The following SNAPC1 variants were observed in gnomAD, a reference collection of about 807,000 sequenced individuals.
The protein encoded by SNAPC1 is snRNA-activating protein complex subunit 1.
In SNAPC1, 42 loss-of-function variants were observed where a neutral mutation model predicts 50.1. The ratio of observed to expected loss-of-function variants is 0.84; its 90% CI spans 0.65 to 1.08. The LOEUF (loss-of-function observed/expected upper bound fraction) is 1.08, where lower values mean the gene tolerates loss of function less well. Ranked by LOEUF, SNAPC1 falls within the 50% of genes least tolerant of loss-of-function variation. SNAPC1 has a pLI of 0.00. For missense variants in SNAPC1, 477 were observed against 427.3 expected (o/e 1.12, Z -1.02); for synonymous variants, 164 against 144.2 (o/e 1.14, Z -0.98).
chr14:61,765,924 T>A (rs2044945051), intron 1 of SNAPC1, among the ~76,000 whole-genome samples: 1 of 152,206 alleles, frequency 6.6e-6, no homozygotes, highest in Non-Finnish European at 1.5e-5. Flanking sequence ...TCTCTATCTT[T>A]TTCGCCTCGG....
At chr14:61,781,555 CT>C (rs1258489705) in intron 7 of SNAPC1, among the ~76,000 whole-genome samples, 1 of 151,920 alleles carries the variant, frequency 6.6e-6, no homozygotes, top group East Asian at 1.9e-4. Flanking sequence ...GGGAATTCAC[CT>C]ACTGATGTAA....
intron 8 of SNAPC1, among the ~76,000 whole-genome samples, chr14:61,789,435 G>A (rs1475746206): frequency 6.6e-6 from 1 of 152,092 alleles, no homozygotes; most frequent in East Asian, 1.9e-4. Flanking sequence ...ATCTAGATGT[G>A]TATGAAGTAT....
At chr14:61,763,295 AGTT>A (rs755061974) in intron 1 of SNAPC1, among the ~76,000 whole-genome samples, 78 of 151,892 alleles carry the variant, frequency 5.1e-4, no homozygotes, top group Non-Finnish European at 9.4e-4. Context: ...CCGGCCCAAA[AGTT>A]GTTTTTCAAA....
At chr14:61,792,582 T>A (rs1448436074) in intron 8 of SNAPC1, among the ~76,000 whole-genome samples, 1 of 152,200 alleles carries the variant, frequency 6.6e-6, no homozygotes, top group Non-Finnish European at 1.5e-5. Context: ...TTTCTCTGTT[T>A]TCTCTAGTGG....
At chr14:61,789,226 A>G (rs11158361) in intron 8 of SNAPC1, among the ~76,000 whole-genome samples, 50,191 of 145,740 alleles carry the variant, frequency 0.34, 9,235 homozygotes, top group African/African-American at 0.45. Flanking sequence ...GCAAGACTCC[A>G]TCTCAAAAAA....
chr14:61,782,990 T>C (rs1029304615), intron 8 of SNAPC1, among the ~76,000 whole-genome samples: 3 of 150,306 alleles, frequency 2.0e-5, no homozygotes, highest in African/African-American at 4.9e-5. Flanking sequence ...TAGATAGTTA[T>C]GAAATCAGTC....
At chr14:61,779,679 CTATT>C (rs1484852325) in intron 7 of SNAPC1, among the ~76,000 whole-genome samples, 1 of 110,138 alleles carries the variant, frequency 9.1e-6, no homozygotes, top group African/African-American at 3.5e-5. Context: ...TCTTTTTTTT[CTATT>C]TGTTTGAACT....
intron 1 of SNAPC1, among the ~76,000 whole-genome samples, chr14:61,765,917 C>CT (rs2044944923): frequency 6.6e-6 from 1 of 152,152 alleles, no homozygotes; most frequent in Non-Finnish European, 1.5e-5. Flanking sequence ...TGCTGTTTCT[C>CT]TATCTTTTTC....
chr14:61,768,703 A>G lies in SNAPC1; in HGVS notation c.497A>G (p.Asp166Gly), dbSNP rs759513304. The G allele has an allele frequency of 7.4e-6, 12 of 1,611,914 alleles. No individual in the cohort carries two copies. In the East Asian group the frequency reaches 1.6e-4, roughly 21 times the overall value. The change falls in exon 4 of 10, where the codon GAT becomes GGT. Residue 166 changes from aspartate to glycine, a missense_variant. Coordinates refer to ENST00000216294, the MANE Select transcript of SNAPC1 (RefSeq NM_003082.4). The stretch of plus-strand genomic sequence containing the variant: ...ACAGAAGAATTTAAGGACCCAAGTG[A>G]TCGTGTGATGAAACTTATCACTTCT... ...EVTEEFKDPS[D>G]RVMKLITSDV... is the part of the protein sequence containing the mutation.
At chr14:61,782,119 A>G in intron 7 of SNAPC1, 128 bp from the exon 8 acceptor site, 1 of 684,402 alleles carries the variant, frequency 1.5e-6, no homozygotes, top group South Asian at 2.4e-5. Context: ...GGGTAATAGT[A>G]AAGTACTTTA....
intron 4 of SNAPC1, among the ~76,000 whole-genome samples, chr14:61,769,533 G>A (rs988446508): frequency 6.6e-6 from 1 of 150,536 alleles, no homozygotes; most frequent in South Asian, 2.2e-4. Flanking sequence ...GAGTAGCTGG[G>A]ACCACAGGCG....
chr14:61,767,452 G>T, intron 3 of SNAPC1, 100 bp downstream of exon 3: 3 of 694,104 alleles, frequency 4.3e-6, no homozygotes, highest in Non-Finnish European at 6.4e-6. Context: ...AGTATTGATA[G>T]TGTTCAAGAC....
At chr14:61,770,361 A>G (rs962134338) in intron 4 of SNAPC1, among the ~76,000 whole-genome samples, 1 of 151,318 alleles carries the variant, frequency 6.6e-6, no homozygotes, top group African/African-American at 2.4e-5. Context: ...TTGTGTCTCA[A>G]CCCACTGAGT....
chr14:61,778,543 TGAG>T (rs918568453), intron 6 of SNAPC1, among the ~76,000 whole-genome samples: 4 of 152,210 alleles, frequency 2.6e-5, no homozygotes, highest in African/African-American at 7.2e-5. Context: ...TATAGGCAGA[TGAG>T]GAGGGAATGG....
chr14:61,778,108 G>GA lies in SNAPC1; in HGVS notation c.736dup (p.Met246AsnfsTer12), dbSNP rs769808448. 72 of 1,603,162 alleles carry GA rather than the reference G, an allele frequency of 4.5e-5. No homozygotes were observed. The highest frequency in any genetic ancestry group is 2.4e-4 in the Admixed American group (14 of 58,090). On this transcript the variant is annotated frameshift_variant, in exon 6 of 10. Transcript: ENST00000216294. LOFTEE classifies it high-confidence loss of function. ...AAAGTCAAAAACTAATGATGGAGAA[G>GA]AAAAAATGGAAGGAAATTCACAAGA...
In SNAPC1 at chr14:61,792,819, A is replaced by T. The variant is rs775836828; in HGVS notation, c.989A>T (p.Asn330Ile). 3 of 1,557,478 alleles carry T rather than the reference A, an allele frequency of 1.9e-6. No individual in the cohort carries two copies. In the Admixed American group the frequency reaches 5.5e-5, roughly 28 times the overall value. The change falls in exon 9 of 10, where the codon AAT (asparagine) becomes ATT (isoleucine). Residue 330 changes from asparagine to isoleucine, a missense_variant. Physicochemically the swap from Asn to Ile is moderately radical, Grantham distance 149. Transcript: ENST00000216294. ...TAAATATTTCTAGGCAATGTGCAGA[A>T]TATACACAAGGAAGATAAACCTTTA... ...MSLRNKGNVQ[N>I]IHKEDKPLSL...
intron 4 of SNAPC1, among the ~76,000 whole-genome samples, chr14:61,773,397 G>GT (rs58782943): frequency 0.022 from 2,202 of 99,274 alleles, 34 homozygotes; most frequent in Middle Eastern, 0.034. Flanking sequence ...TATTTCCTTA[G>GT]TTTTTTTTTT....
At chr14:61,775,656 A>G (rs2045030205) in intron 4 of SNAPC1, among the ~76,000 whole-genome samples, 1 of 152,190 alleles carries the variant, frequency 6.6e-6, no homozygotes, top group South Asian at 2.1e-4. Context: ...GTTGGATGAG[A>G]GTCGTTACAT....
At chr14:61,775,844 T>G (rs939582072) in intron 4 of SNAPC1, among the ~76,000 whole-genome samples, 13 of 152,224 alleles carry the variant, frequency 8.5e-5, no homozygotes, top group Non-Finnish European at 1.8e-4. Flanking sequence ...GTCTTCCCCA[T>G]AAGTGTATCT....
Sources: allele counts gnomAD v4.1 joint callset (sites outside exome capture counted in the v4.1 genomes callset), GRCh38; gene constraint gnomAD v4.1.1; transcripts MANE v1.5; gene names NCBI Gene and HGNC (gene_info 2026-07-23, HGNC 2026-07-21).